CSRNP3: variants seen among roughly 807,000 people sequenced by gnomAD.
CSRNP3 encodes the protein cysteine and serine rich nuclear protein 3, also known as cysteine/serine-rich nuclear protein 3.
In CSRNP3, 12 loss-of-function variants were observed where a neutral mutation model predicts 48.0. The observed-to-expected ratio is 0.25, with a 90% CI of 0.16 to 0.41. The LOEUF (loss-of-function observed/expected upper bound fraction) is 0.41. Ranked by LOEUF, CSRNP3 falls within the 10% of genes least tolerant of loss-of-function variation. The pLI is 1.00. For missense variants in CSRNP3, 580 were observed against 724.4 expected (o/e 0.80, Z 2.29); for synonymous variants, 263 against 269.7 (o/e 0.98, Z 0.24).
At chr2:165,647,121 C>G (rs1292497809) in intron 4 of CSRNP3, among the ~76,000 whole-genome samples, 1 of 151,658 alleles carries the variant, frequency 6.6e-6, no homozygotes, top group East Asian at 2.0e-4. Flanking sequence ...TGCTTTCCAT[C>G]TGTGGTTCAT....
chr2:165,556,158 A>G (rs1408141210), intron 3 of CSRNP3, among the ~76,000 whole-genome samples: 1 of 152,210 alleles, frequency 6.6e-6, no homozygotes, highest in Non-Finnish European at 1.5e-5. Context: ...GTCAGTGATT[A>G]TTAGTAACTA....
chr2:165,633,967 T>C (rs959133817), intron 4 of CSRNP3, among the ~76,000 whole-genome samples: 6 of 152,210 alleles, frequency 3.9e-5, no homozygotes, highest in Non-Finnish European at 7.3e-5. Context: ...TGGGTTTTCA[T>C]AACACTCCTT....
At chr2:165,502,275 A>C (rs1558918334) in intron 2 of CSRNP3, among the ~76,000 whole-genome samples, 1 of 152,020 alleles carries the variant, frequency 6.6e-6, no homozygotes, top group Non-Finnish European at 1.5e-5. Flanking sequence ...AATTTCATCA[A>C]TGTTTATAAA....
At chr2:165,653,317 T>C (rs10167479) in intron 4 of CSRNP3, among the ~76,000 whole-genome samples, 38,328 of 152,168 alleles carry the variant, frequency 0.25, 5,613 homozygotes, top group Non-Finnish European at 0.33. Context: ...GTTCTCACAA[T>C]GTTATGTATA....
At chr2:165,623,231 T>C (rs1402548335) in intron 4 of CSRNP3, among the ~76,000 whole-genome samples, 4 of 152,138 alleles carry the variant, frequency 2.6e-5, no homozygotes, top group African/African-American at 4.8e-5. Flanking sequence ...TACCTGTCTA[T>C]GGCCTGTTAA....
At chr2:165,541,225 T>C (rs904206870) in intron 3 of CSRNP3, among the ~76,000 whole-genome samples, 61 of 151,862 alleles carry the variant, frequency 4.0e-4, no homozygotes, top group Middle Eastern at 3.4e-3. Flanking sequence ...CAAATGCATT[T>C]TTTTTTTTTA....
At chr2:165,658,923 A>G (rs965791826) in intron 5 of CSRNP3, among the ~76,000 whole-genome samples, 2 of 152,218 alleles carry the variant, frequency 1.3e-5, no homozygotes, top group African/African-American at 4.8e-5. Context: ...AAACCATATC[A>G]GCTACCTTGT....
intron 4 of CSRNP3, among the ~76,000 whole-genome samples, chr2:165,653,472 TC>T: frequency 6.6e-6 from 1 of 152,288 alleles, no homozygotes; most frequent in South Asian, 2.1e-4. Context: ...GACACTATTG[TC>T]GTCTTCAAGG....
At chr2:165,672,143 T>A (rs1687341955) in intron 5 of CSRNP3, among the ~76,000 whole-genome samples, 1 of 152,174 alleles carries the variant, frequency 6.6e-6, no homozygotes, top group East Asian at 1.9e-4. Flanking sequence ...CTTTCCCACA[T>A]TTTTTTCTCT....
Position 165,682,117 on chromosome 2 carries a change from G to GA in CSRNP3, c.*2366dup, listed in dbSNP as rs984649934. 1.9e-4 allele frequency: 29 copies of GA among 152,130 alleles called. No individual in the cohort carries two copies. Among genetic ancestry groups the GA allele is most frequent in the African/African-American group, 7.0e-4 (29 of 41,512 alleles). 9.4% of individuals were successfully genotyped at this position (152,130 alleles called of 1,614,324 possible). ...CCAGCCTGAGCAAAGCTGAAGGGTA[G>GA]AATGACAGTCCAGTTTCTGAAAAGA... On this transcript the variant is annotated 3_prime_UTR_variant, in exon 7 of 7. Coordinates refer to ENST00000651982, the MANE Select transcript of CSRNP3 (RefSeq NM_001172173.2).
intron 3 of CSRNP3, among the ~76,000 whole-genome samples, chr2:165,527,576 T>TCA (rs201505990): frequency 0.017 from 2,650 of 152,116 alleles, 82 homozygotes; most frequent in African/African-American, 0.06. Context: ...CATATAAATA[T>TCA]CACACACACA....
chr2:165,634,967 GC>G (rs1686603039), intron 4 of CSRNP3, among the ~76,000 whole-genome samples: 1 of 152,164 alleles, frequency 6.6e-6, no homozygotes. Context: ...TGCATTCTAG[GC>G]CCAGCAGGCT....
At chr2:165,480,825 TTATAA>T (rs1274625246) in intron 1 of CSRNP3, among the ~76,000 whole-genome samples, 1 of 146,266 alleles carries the variant, frequency 6.8e-6, no homozygotes, top group East Asian at 2.0e-4. Flanking sequence ...GTAATATATA[TTATAA>T]TATATATTTT....
At chr2:165,666,158 A>AAG (rs142924898) in intron 5 of CSRNP3, among the ~76,000 whole-genome samples, 9 of 112,066 alleles carry the variant, frequency 8.0e-5, no homozygotes, top group African/African-American at 3.0e-4. Context: ...GAGAGGAAGA[A>AAG]AGAGAGAGAG....
intron 3 of CSRNP3, among the ~76,000 whole-genome samples, chr2:165,575,880 T>C (rs1368784668): frequency 6.6e-6 from 1 of 151,972 alleles, no homozygotes; most frequent in Non-Finnish European, 1.5e-5. Flanking sequence ...GTATGAGCTT[T>C]TAAAAAATTC....
chr2:165,525,442 G>A (rs535733621), intron 3 of CSRNP3, among the ~76,000 whole-genome samples: 7 of 149,410 alleles, frequency 4.7e-5, no homozygotes, highest in Admixed American at 1.3e-4. Context: ...TTTCTTCTGT[G>A]GATTATGATT....
chr2:165,665,223 G>A (rs1212297048), intron 5 of CSRNP3, among the ~76,000 whole-genome samples: 1 of 152,144 alleles, frequency 6.6e-6, no homozygotes, highest in Non-Finnish European at 1.5e-5. Flanking sequence ...GTGCGCCACT[G>A]CTACTGATAG....
intron 4 of CSRNP3, among the ~76,000 whole-genome samples, chr2:165,652,876 G>A (rs187682782): frequency 6.6e-6 from 1 of 152,246 alleles, no homozygotes; most frequent in Non-Finnish European, 1.5e-5. Flanking sequence ...GAGCTCTCAC[G>A]AAAGGCACAT....
intron 3 of CSRNP3, among the ~76,000 whole-genome samples, chr2:165,585,069 A>G (rs1183610512): frequency 6.6e-6 from 1 of 152,228 alleles, no homozygotes; most frequent in Non-Finnish European, 1.5e-5. Context: ...AACATTATAG[A>G]TTACTAAAAA....
Sources: allele counts gnomAD v4.1 joint callset (sites outside exome capture counted in the v4.1 genomes callset), GRCh38; gene constraint gnomAD v4.1.1; transcripts MANE v1.5; gene names NCBI Gene and HGNC (gene_info 2026-07-23, HGNC 2026-07-21).